The following SYT1 variants were observed in gnomAD, a reference collection of about 807,000 sequenced individuals.
SYT1 encodes synaptotagmin 1.
SYT1 carries 8 observed loss-of-function variants against 44.8 expected under a neutral mutation model. The observed-to-expected ratio is 0.18, with a 90% CI of 0.10 to 0.32. The LOEUF (loss-of-function observed/expected upper bound fraction) is 0.32, where lower values mean the gene tolerates loss of function less well. Ranked by LOEUF, SYT1 falls within the 10% of genes least tolerant of loss-of-function variation. SYT1 has a pLI of 1.00. For synonymous variants in SYT1, 154 were observed against 188.8 expected, an observed-to-expected ratio of 0.82 and a Z score of 1.51; for missense variants, 286 against 509.3, an observed-to-expected ratio of 0.56 and a Z score of 4.22.
intron 1 of SYT1, among the ~76,000 whole-genome samples, chr12:78,944,609 AAG>A (rs951569736): frequency 6.6e-6 from 1 of 152,174 alleles, no homozygotes; most frequent in African/African-American, 2.4e-5. Context: ...AATAAAGTAA[AAG>A]AATATTGTGA....
intron 4 of SYT1, among the ~76,000 whole-genome samples, chr12:79,247,345 A>G (rs1490401554): frequency 5.3e-5 from 8 of 152,184 alleles, no homozygotes; most frequent in African/African-American, 1.9e-4. Flanking sequence ...TAATATGTAT[A>G]ACTCATGAGG....
intron 5 of SYT1, among the ~76,000 whole-genome samples, chr12:79,289,506 C>A (rs572638866): frequency 8.5e-5 from 13 of 152,226 alleles, no homozygotes; most frequent in African/African-American, 3.1e-4. Context: ...CTATTTCATG[C>A]AGAATAATTG....
intron 1 of SYT1, chr12:78,977,493 T>G (rs1386812519): frequency 6.6e-6 from 1 of 152,262 alleles, no homozygotes; most frequent in African/African-American, 2.4e-5. Context: ...CAGCACAGGC[T>G]ACTTCTCCTC....
chr12:79,368,293 A>G (rs1014521016), intron 9 of SYT1, among the ~76,000 whole-genome samples: 66 of 152,090 alleles, frequency 4.3e-4, no homozygotes, highest in African/African-American at 1.5e-3. Context: ...AATCCAGTCT[A>G]TCATTTTTGG....
At chr12:79,076,980 A>T (rs368141077) in intron 3 of SYT1, among the ~76,000 whole-genome samples, 1 of 151,948 alleles carries the variant, frequency 6.6e-6, no homozygotes, top group African/African-American at 2.4e-5. Flanking sequence ...TCTTCTCTGG[A>T]TTTTCCACTT....
chr12:79,308,878 A>G (rs1837004588), intron 8 of SYT1, among the ~76,000 whole-genome samples: 1 of 152,266 alleles, frequency 6.6e-6, no homozygotes, highest in Non-Finnish European at 1.5e-5. Context: ...TGGAAACTGT[A>G]AGCCTGGAAT....
At chr12:78,903,168 A>C (rs1030536760) in intron 1 of SYT1, among the ~76,000 whole-genome samples, 18 of 151,988 alleles carry the variant, frequency 1.2e-4, no homozygotes, top group African/African-American at 4.3e-4. Flanking sequence ...TATCTTTCAA[A>C]TAAATGTAGA....
At chr12:79,257,169 C>T (rs1877567887) in intron 4 of SYT1, among the ~76,000 whole-genome samples, 1 of 152,130 alleles carries the variant, frequency 6.6e-6, no homozygotes, top group Non-Finnish European at 1.5e-5. Flanking sequence ...TATAATAAGA[C>T]AATAACTCAA....
At chr12:79,035,719 A>C (rs1592683709) in intron 2 of SYT1, among the ~76,000 whole-genome samples, 1 of 151,632 alleles carries the variant, frequency 6.6e-6, no homozygotes, top group East Asian at 1.9e-4. Context: ...CATAAGAGAC[A>C]TTCTGCTCTG....
At chr12:79,248,355 C>CAGGT (rs953233685) in intron 4 of SYT1, among the ~76,000 whole-genome samples, 5 of 152,104 alleles carry the variant, frequency 3.3e-5, no homozygotes, top group Non-Finnish European at 7.4e-5. Context: ...TTGGGTTGTG[C>CAGGT]AGGTGATGGA....
At chr12:79,092,657 T>C (rs1009857251) in intron 3 of SYT1, among the ~76,000 whole-genome samples, 1 of 151,712 alleles carries the variant, frequency 6.6e-6, no homozygotes, top group African/African-American at 2.4e-5. Flanking sequence ...TGAGTTCAGT[T>C]TTTTCACTGA....
At chr12:79,175,941 T>C (rs1031980707) in intron 3 of SYT1, among the ~76,000 whole-genome samples, 1 of 152,096 alleles carries the variant, frequency 6.6e-6, no homozygotes, top group African/African-American at 2.4e-5. Context: ...TGGAGCCATT[T>C]CTTGTTTGAT....
intron 9 of SYT1, among the ~76,000 whole-genome samples, chr12:79,362,495 T>A (rs1883355606): frequency 6.6e-6 from 1 of 152,134 alleles, no homozygotes; most frequent in South Asian, 2.1e-4. Context: ...ATCTCCTACC[T>A]TTGTCCAATT....
chr12:79,230,101 G>A (rs1414520798), intron 4 of SYT1, among the ~76,000 whole-genome samples: 1 of 152,222 alleles, frequency 6.6e-6, no homozygotes, highest in South Asian at 2.1e-4. Flanking sequence ...AAGCCCCATA[G>A]GACATACATG....
At chr12:79,211,357 A>G (rs1874433313) in intron 3 of SYT1, among the ~76,000 whole-genome samples, 1 of 152,182 alleles carries the variant, frequency 6.6e-6, no homozygotes, top group Non-Finnish European at 1.5e-5. Context: ...TGTTACTACA[A>G]ACATCCTTAT....
At chr12:79,015,167 T>C (rs1216173385) in intron 2 of SYT1, among the ~76,000 whole-genome samples, 1 of 151,824 alleles carries the variant, frequency 6.6e-6, no homozygotes, top group Non-Finnish European at 1.5e-5. Context: ...CATATGTAAC[T>C]AACCTGCACA....
intron 1 of SYT1, among the ~76,000 whole-genome samples, chr12:78,925,345 A>G (rs1340900274): frequency 6.6e-6 from 1 of 151,958 alleles, no homozygotes; most frequent in Non-Finnish European, 1.5e-5. Flanking sequence ...CTAGAATTGA[A>G]TATTTGTTCA....
At chr12:78,875,577 A>G (rs1262219875) in intron 1 of SYT1, among the ~76,000 whole-genome samples, 2 of 151,614 alleles carry the variant, frequency 1.3e-5, no homozygotes, top group African/African-American at 4.8e-5. Flanking sequence ...GTATAAAGAC[A>G]CTGGTTTTAT....
chr12:79,362,577 G>C (rs997524706), intron 9 of SYT1, among the ~76,000 whole-genome samples: 1 of 152,126 alleles, frequency 6.6e-6, no homozygotes, highest in Non-Finnish European at 1.5e-5. Context: ...GGTATTAGAT[G>C]ACTATCTGCT....
Sources: allele counts gnomAD v4.1 joint callset (sites outside exome capture counted in the v4.1 genomes callset), GRCh38; gene constraint gnomAD v4.1.1; transcripts MANE v1.5; gene names NCBI Gene and HGNC (gene_info 2026-07-23, HGNC 2026-07-21).